PCYT1B: variants seen among roughly 807,000 people sequenced by gnomAD.
The protein encoded by PCYT1B is phosphate cytidylyltransferase 1B, choline.
PCYT1B carries 10 observed loss-of-function variants against 26.4 expected under a neutral mutation model. The ratio of observed to expected loss-of-function variants is 0.38; its 90% CI spans 0.23 to 0.64. The LOEUF is 0.64. Among genes scored for constraint, PCYT1B ranks in the 30% least tolerant of loss-of-function variants. PCYT1B has a pLI of 0.56. For synonymous variants in PCYT1B, 131 were observed against 108.4 expected, an observed-to-expected ratio of 1.21 and a Z score of -1.29; for missense variants, 161 against 292.7, an observed-to-expected ratio of 0.55 and a Z score of 3.28.
chrX:24,595,213 G>T (rs1430949815), intron 3 of PCYT1B, among the ~76,000 whole-genome samples: 1 of 109,095 alleles, frequency 9.2e-6, no homozygotes, highest in Admixed American at 1.0e-4. Flanking sequence ...CTTCCTGGCT[G>T]CTGTTTTCCT....
At chrX:24,636,273 A>G (rs1281850140) in intron 1 of PCYT1B, among the ~76,000 whole-genome samples, 2 of 112,602 alleles carry the variant, frequency 1.8e-5, no homozygotes, top group Non-Finnish European at 3.7e-5. Context: ...ATTGTGAATA[A>G]TAATATCTTT....
intron 1 of PCYT1B, among the ~76,000 whole-genome samples, chrX:24,644,782 C>G (rs903507922): frequency 1.8e-5 from 2 of 111,971 alleles, no homozygotes; most frequent in African/African-American, 6.5e-5. Flanking sequence ...GTAACTTGGC[C>G]AGGTGCAGTG....
chrX:24,666,766 G>A (rs1472718698), intron 1 of PCYT1B, among the ~76,000 whole-genome samples: 2 of 110,974 alleles, frequency 1.8e-5, no homozygotes, highest in African/African-American at 6.6e-5. Context: ...TGTGAGAATG[G>A]GGCAAAATTA....
intron 3 of PCYT1B, among the ~76,000 whole-genome samples, chrX:24,604,254 T>C (rs1320016130): frequency 9.2e-6 from 1 of 108,803 alleles, no homozygotes; most frequent in African/African-American, 3.4e-5. Context: ...GCCAGGCTAA[T>C]TTTTTGTTGT....
Position 24,579,306 on chromosome X carries a change from G to C in PCYT1B, c.708+10C>G, listed in dbSNP as rs1474579232. On this transcript the variant is annotated intron_variant, in intron 6 of 7. Transcript: ENST00000379144. ...GGTGGTCTTCAGAGGGTTTGAGGTG[G>C]CATGCTTACATTTATAAAGCTGACA... 7.5e-6 allele frequency: 9 copies of C among 1,205,029 alleles called. No homozygotes were observed. Among genetic ancestry groups the C allele is most frequent in the Non-Finnish European group, 1.0e-5 (9 of 892,053 alleles).
intron 1 of PCYT1B, among the ~76,000 whole-genome samples, chrX:24,635,251 ATC>A (rs1237121468): frequency 8.9e-6 from 1 of 112,184 alleles, no homozygotes; most frequent in East Asian, 2.8e-4. Context: ...TTGCAAAATC[ATC>A]TATTCTTCAT....
rs768532217 is a variant in PCYT1B, at chrX:24,608,661, A to G, written c.218-800T>C. Among the ~76,000 whole-genome samples, 5 of 111,582 alleles carry G rather than the reference A, an allele frequency of 4.5e-5. No individual in the cohort carries two copies. The East Asian group carries it at 1.4e-3, about 31-fold the overall frequency. On this transcript the variant is annotated intron_variant, in intron 2 of 7. Transcript: ENST00000379144. ...GACAGTGGCATCTAGTGCTCTAAAAAGTGCTGTTCCAAGAGGAAGAGGGAC... is the reference window on the plus strand; with the variant it reads ...GACAGTGGCATCTAGTGCTCTAAAAGGTGCTGTTCCAAGAGGAAGAGGGAC...
At position 24,560,831 on chromosome X, in the gene PCYT1B, T is replaced by C. The variant is rs1923385230; in HGVS notation, c.*1462A>G. On this transcript the variant is annotated 3_prime_UTR_variant, in exon 8 of 8. Transcript: ENST00000379144. ...ACCCCAGCTCTGTGTCTGAATTTAC[T>C]GGCATACCCATACAATAACCCAAAG... 1 of 112,205 alleles carries C rather than the reference T, an allele frequency of 8.9e-6. No homozygotes were observed. The highest frequency in any genetic ancestry group is 3.2e-5 in the African/African-American group (1 of 30,795). 9.2% of individuals were successfully genotyped at this position (112,205 alleles called of 1,213,427 possible). A position where few individuals can be genotyped will look rare whatever the true frequency, so the allele number is the denominator to read the frequency against.
intron 2 of PCYT1B, among the ~76,000 whole-genome samples, chrX:24,613,217 A>T (rs191512013): frequency 6.2e-5 from 7 of 112,349 alleles, no homozygotes; most frequent in African/African-American, 2.3e-4. Context: ...CAAAACAGAA[A>T]CTATTATTAA....
rs184383901 is a variant in PCYT1B at position 24,561,119 on chromosome X, G to C, written c.*1174C>G. On this transcript the variant is annotated 3_prime_UTR_variant, in exon 8 of 8. Transcript: ENST00000379144. Reference sequence around the variant, plus strand: ...GAACAAAATACTAATTTCCTGGTTGGGATAAAACGTTTCCACAGGAATCTG... The same window carrying C: ...GAACAAAATACTAATTTCCTGGTTGCGATAAAACGTTTCCACAGGAATCTG... 8.9e-6 allele frequency: 1 copy of C among 112,528 alleles called. No individual in the cohort carries two copies. The highest frequency in any genetic ancestry group is 2.8e-4 in the East Asian group (1 of 3,589). 9.3% of individuals were successfully genotyped at this position (112,528 alleles called of 1,213,427 possible).
chrX:24,610,650 G>C (rs1006710116), intron 2 of PCYT1B, among the ~76,000 whole-genome samples: 1 of 111,704 alleles, frequency 9.0e-6, no homozygotes, highest in Non-Finnish European at 1.9e-5. Context: ...GAAAGAAGAC[G>C]TAATTACTGA....
intron 3 of PCYT1B, among the ~76,000 whole-genome samples, chrX:24,605,009 G>T (rs1925080131): frequency 9.0e-6 from 1 of 111,556 alleles, no homozygotes; most frequent in Non-Finnish European, 1.9e-5. Flanking sequence ...TCAGAACTCA[G>T]GCAGGAAAAA....
chrX:24,571,740 C>T (rs916702855), intron 7 of PCYT1B, among the ~76,000 whole-genome samples: 1 of 111,169 alleles, frequency 9.0e-6, no homozygotes, highest in Non-Finnish European at 1.9e-5. Flanking sequence ...CATGATCACA[C>T]CACTTCACTC....
intron 3 of PCYT1B, among the ~76,000 whole-genome samples, chrX:24,607,321 CA>C (rs1925170822): frequency 8.9e-6 from 1 of 112,618 alleles, no homozygotes. Flanking sequence ...GCAGGTCACA[CA>C]AAAGAAATAG....
upstream of PCYT1B, chrX:24,672,821 A>G (rs371083552): frequency 1.5e-4 from 59 of 405,386 alleles, 1 homozygote; most frequent in African/African-American, 1.4e-3. Flanking sequence ...TTGAGTTGCT[A>G]GGCACTCTTG....
At chrX:24,601,480 G>A (rs1308991202) in intron 3 of PCYT1B, among the ~76,000 whole-genome samples, 1 of 95,019 alleles carries the variant, frequency 1.1e-5, no homozygotes, top group Non-Finnish European at 2.0e-5. Flanking sequence ...GCAACAGAGC[G>A]AAACTCTTTC....
chrX:24,625,359 T>C (rs757167982), intron 1 of PCYT1B, among the ~76,000 whole-genome samples: 1 of 111,544 alleles, frequency 9.0e-6, no homozygotes, highest in East Asian at 2.8e-4. Flanking sequence ...AGTCAGAATA[T>C]TTTGTCTTTT....
In PCYT1B at chrX:24,660,405, T is replaced by C. The variant is rs763081993; in HGVS notation, c.63+12165A>G. ...CAAATGACACTAAGGAGGCCAGGTATGGTGGCTCACGCCTGTAATCCCAGC... is the reference window on the plus strand; with the variant it reads ...CAAATGACACTAAGGAGGCCAGGTACGGTGGCTCACGCCTGTAATCCCAGC... On this transcript the variant is annotated intron_variant, in intron 1 of 7. Coordinates refer to the PCYT1B transcript ENST00000379145. Among the ~76,000 whole-genome samples, 16 of 112,309 alleles carry C rather than the reference T, an allele frequency of 1.4e-4. No homozygotes were observed. The South Asian group carries it at 2.2e-3, about 15-fold the overall frequency.
In PCYT1B at chrX:24,560,524, G is replaced by A. The variant is rs1210656919; in HGVS notation, c.*1769C>T. The A allele has an allele frequency of 8.9e-6, 1 of 112,169 alleles. No individual in the cohort carries two copies. The highest frequency in any genetic ancestry group is 3.3e-5 in the African/African-American group (1 of 30,735). 9.2% of individuals were successfully genotyped at this position (112,169 alleles called of 1,213,427 possible). A position where few individuals can be genotyped will look rare whatever the true frequency, so the allele number is the denominator to read the frequency against. On this transcript the variant is annotated 3_prime_UTR_variant, in exon 8 of 8. Transcript: ENST00000379144. ...CCTGCCAGCCCTCTGTCCCATATGA[G>A]TGCTTCCCAGAGTCCTGGAGAAGGA...
Sources: allele counts gnomAD v4.1 joint callset (sites outside exome capture counted in the v4.1 genomes callset), GRCh38; gene constraint gnomAD v4.1.1; transcripts MANE v1.5; gene names NCBI Gene and HGNC (gene_info 2026-07-23, HGNC 2026-07-21).